The following UNC80 variants were observed in gnomAD, a reference collection of about 807,000 sequenced individuals.
UNC80 encodes the protein unc-80 subunit of NALCN channel complex.
UNC80 carries 164 observed loss-of-function variants against 384.6 expected under a neutral mutation model. The observed-to-expected ratio is 0.43, with a 90% confidence interval of 0.38 to 0.49. The LOEUF (loss-of-function observed/expected upper bound fraction) is 0.49. Ranked by LOEUF, UNC80 falls within the 20% of genes least tolerant of loss-of-function variation. The pLI is 0.00. For synonymous variants in UNC80, 1,486 were observed against 1,527.8 expected (o/e 0.97, Z 0.64); for missense variants, 3,330 against 4,143.0 (o/e 0.80, Z 5.39).
At chr2:209,808,289 G>A (rs1478102856) in intron 7 of UNC80, among the ~76,000 whole-genome samples, 3 of 123,102 alleles carry the variant, frequency 2.4e-5, no homozygotes, top group Non-Finnish European at 6.0e-5. Flanking sequence ...AAGGCTGGGC[G>A]TGGTGGTTCA....
At chr2:209,918,720 A>G in intron 33 of UNC80, 57 bp downstream of exon 33, 1 of 1,442,718 alleles carries the variant, frequency 6.9e-7, no homozygotes, top group Non-Finnish European at 9.2e-7. Flanking sequence ...AACAATTAAT[A>G]TTTGTGGTAA....
intron 46 of UNC80, 37 bp from the exon 47 acceptor site, chr2:209,945,810 C>T: frequency 7.0e-7 from 1 of 1,424,196 alleles, no homozygotes; most frequent in Non-Finnish European, 9.7e-7. Flanking sequence ...CTGCAAAATC[C>T]ACTCTGATAG....
At chr2:209,813,122 A>C (rs961456674) in intron 7 of UNC80, among the ~76,000 whole-genome samples, 3 of 152,222 alleles carry the variant, frequency 2.0e-5, no homozygotes, top group Non-Finnish European at 4.4e-5. Flanking sequence ...TTCTGTTTCT[A>C]TCAGGGTAAA....
chr2:209,800,263 A>G (rs2078454198), intron 7 of UNC80, among the ~76,000 whole-genome samples: 1 of 152,108 alleles, frequency 6.6e-6, no homozygotes, highest in Non-Finnish European at 1.5e-5. Flanking sequence ...TCGGGGATTC[A>G]AATTCTTCCT....
In UNC80 at chr2:209,972,170, A is replaced by G. The variant is rs1459015453; in HGVS notation, c.8257-31A>G. The G allele has an allele frequency of 1.7e-5, 27 of 1,546,500 alleles. No homozygotes were observed. In the East Asian group the frequency reaches 5.6e-4, roughly 32 times the overall value. The stretch of plus-strand genomic sequence containing the variant: ...ACATACTAAATGGGTGTGGTGGTCA[A>G]TTAATCTTTTCTTCTATTATTGCTG... On this transcript the variant is annotated intron_variant, in intron 54 of 64. Coordinates refer to ENST00000673920, the MANE Select transcript of UNC80 (RefSeq NM_001371986.1).
chr2:209,972,461 G>T lies in UNC80; in HGVS notation c.8380+137G>T. 4 of 1,244,190 alleles carry T rather than the reference G, an allele frequency of 3.2e-6. No homozygotes were observed. In the South Asian group the frequency reaches 6.4e-5, roughly 20 times the overall value. The allele number at this position is 1,244,190 out of a possible 1,614,324, so 77.1% of individuals were successfully genotyped here. Reference sequence around the variant, plus strand: ...AATGATTTAAATAGGGTCATCTTAGGAAATAAGAGTTTTTCTTTCTTTTCA... The same window carrying T: ...AATGATTTAAATAGGGTCATCTTAGTAAATAAGAGTTTTTCTTTCTTTTCA... On this transcript the variant is annotated intron_variant, in intron 55 of 64. Transcript: ENST00000673920.
At chr2:209,786,328 G>C (rs2077424392) in intron 5 of UNC80, 139 bp downstream of exon 5, 12 of 1,116,938 alleles carry the variant, frequency 1.1e-5, no homozygotes, top group Non-Finnish European at 1.5e-5. Context: ...TCCTGATATA[G>C]GGCTTACTCA....
chr2:209,975,941 T>A lies in UNC80; in HGVS notation c.8588-178T>A, dbSNP rs376984874. On this transcript the variant is annotated intron_variant, in intron 56 of 64. Transcript: ENST00000673920. ...AGAATCAAAACACTTAGCATACACGTTTTTGTCTCGATGTACAGAATACTC... is the reference window on the plus strand; with the variant it reads ...AGAATCAAAACACTTAGCATACACGATTTTGTCTCGATGTACAGAATACTC... 3.3e-5 allele frequency among the ~76,000 whole-genome samples: 5 copies of A among 152,272 alleles called. No individual in the cohort carries two copies. In the South Asian group the frequency reaches 6.2e-4, roughly 19 times the overall value.
rs555813129 is a variant in UNC80, at chr2:209,965,055, C to A, written c.7806-2382C>A. On this transcript the variant is annotated intron_variant, in intron 51 of 64. Coordinates refer to ENST00000673920, the MANE Select transcript of UNC80 (RefSeq NM_001371986.1). ...TTTGGAGACACATACTGAAATATGT[C>A]TGGGTAAATGATGTGATGCTTGGAA... Among the ~76,000 whole-genome samples, 40 of 152,032 alleles carry A rather than the reference C, an allele frequency of 2.6e-4. No individual in the cohort carries two copies. In the South Asian group the frequency reaches 8.1e-3, roughly 31 times the overall value.
At chr2:209,809,277 C>A in intron 7 of UNC80, 1 of 746,702 alleles carries the variant, frequency 1.3e-6, no homozygotes, top group Non-Finnish European at 2.5e-6. Flanking sequence ...AGGAATGCCT[C>A]AGCCTGGGTG....
chr2:209,847,304 A>C (rs2082238744), intron 21 of UNC80, among the ~76,000 whole-genome samples: 1 of 152,044 alleles, frequency 6.6e-6, no homozygotes, highest in African/African-American at 2.4e-5. Context: ...AAAGAAAATT[A>C]ATTATAAAAT....
intron 17 of UNC80, 34 bp from the exon 18 acceptor site, chr2:209,834,878 C>G: frequency 1.3e-6 from 2 of 1,504,464 alleles, no homozygotes; most frequent in Non-Finnish European, 1.8e-6. Context: ...CTATCCTGCT[C>G]TGCTGTAATT....
At chr2:209,842,296 A>G (rs1574690768) in intron 20 of UNC80, 54 bp from the exon 21 acceptor site, 3 of 1,354,942 alleles carry the variant, frequency 2.2e-6, no homozygotes, top group Admixed American at 2.3e-5. Context: ...TCTAACCACA[A>G]AGATTTACCT....
chr2:209,816,152 G>GA (rs1251795386), intron 9 of UNC80, among the ~76,000 whole-genome samples: 1 of 152,116 alleles, frequency 6.6e-6, no homozygotes, highest in Non-Finnish European at 1.5e-5. Flanking sequence ...CATTTGAAAG[G>GA]AAAAAAGTGG....
intron 31 of UNC80, among the ~76,000 whole-genome samples, chr2:209,914,551 C>G: frequency 6.8e-6 from 1 of 146,020 alleles, no homozygotes; most frequent in East Asian, 2.1e-4. Flanking sequence ...TGACCCGCCC[C>G]CCTCTCCCCA....
rs558863067 is a variant in UNC80, at chr2:209,895,954, C to G, written c.4481-359C>G. 3.3e-4 allele frequency among the ~76,000 whole-genome samples: 51 copies of G among 152,294 alleles called. No individual in the cohort carries two copies. In the South Asian group the frequency reaches 0.01, roughly 30 times the overall value. On this transcript the variant is annotated intron_variant, in intron 27 of 64. Coordinates refer to ENST00000673920, the MANE Select transcript of UNC80 (RefSeq NM_001371986.1). ...GTGAGGCAGGTTAGTTGCTGTCCCT[C>G]CTTAAATACACCTGCAAGGTCTGGT...
chr2:209,805,691 G>C lies in UNC80; in HGVS notation c.939-7889G>C, dbSNP rs186532009. 2.6e-5 allele frequency among the ~76,000 whole-genome samples: 4 copies of C among 152,324 alleles called. No individual in the cohort carries two copies. The East Asian group carries it at 7.7e-4, about 29-fold the overall frequency. On this transcript the variant is annotated intron_variant, in intron 7 of 64. Coordinates refer to ENST00000673920, the MANE Select transcript of UNC80 (RefSeq NM_001371986.1). ...AGAAAGAAAGGGAGCATCAAAAATG[G>C]ATGCTTTTATAACCTAATCTTCTAT... is the stretch of plus-strand genomic sequence containing the variant.
At chr2:209,848,197 G>A (rs1347868294) in intron 21 of UNC80, among the ~76,000 whole-genome samples, 3 of 151,854 alleles carry the variant, frequency 2.0e-5, no homozygotes, top group Non-Finnish European at 4.4e-5. Context: ...TTTGTTCCTC[G>A]TCTATAGCTT....
At chr2:209,906,563 C>T (rs558151940) in intron 29 of UNC80, among the ~76,000 whole-genome samples, 3 of 152,054 alleles carry the variant, frequency 2.0e-5, no homozygotes, top group Admixed American at 2.0e-4. Context: ...ATGTATTTAG[C>T]TAGACTTTAA....
Sources: allele counts gnomAD v4.1 joint callset (sites outside exome capture counted in the v4.1 genomes callset), GRCh38; gene constraint gnomAD v4.1.1; transcripts MANE v1.5; gene names NCBI Gene and HGNC (gene_info 2026-07-23, HGNC 2026-07-21).